Variants in SPATA9 observed in about 807,000 individuals in gnomAD.
SPATA9 encodes the protein spermatogenesis associated 9, also known as spermatogenesis-associated protein 9.
In SPATA9, 27 loss-of-function variants were observed where a neutral mutation model predicts 25.5. The ratio of observed to expected loss-of-function variants is 1.06; its 90% CI spans 0.78 to 1.46. The LOEUF (loss-of-function observed/expected upper bound fraction) is 1.46. Among genes scored for constraint, SPATA9 ranks in the 40% most tolerant of loss-of-function variants. SPATA9 has a pLI of 0.00. For synonymous variants in SPATA9, 102 were observed against 105.7 expected (o/e 0.97, Z 0.21); for missense variants, 282 against 297.5 (o/e 0.95, Z 0.38).
chr5:95,703,507 G>T (rs1006027467), upstream of SPATA9, among the ~76,000 whole-genome samples: 2 of 152,022 alleles, frequency 1.3e-5, no homozygotes, highest in Admixed American at 6.6e-5. Flanking sequence ...GGTGCCACAC[G>T]CCAGTAGTCG....
At chr5:95,726,886 T>G in the SPATA9 span, among the ~76,000 whole-genome samples, 5 of 152,360 alleles carry the variant, frequency 3.3e-5, no homozygotes, top group South Asian at 1.0e-3. Context: ...TCCTTGTATC[T>G]GCCCACTTAC....
At chr5:95,662,826 G>A in intron 4 of SPATA9, among the ~76,000 whole-genome samples, 1 of 151,196 alleles carries the variant, frequency 6.6e-6, no homozygotes, top group East Asian at 1.9e-4. Flanking sequence ...CCAAGGAGAT[G>A]CAAATTAAAA....
intron 3 of SPATA9, among the ~76,000 whole-genome samples, chr5:95,665,821 T>C (rs1751752902): frequency 6.6e-6 from 1 of 152,130 alleles, no homozygotes; most frequent in East Asian, 1.9e-4. Flanking sequence ...ATACAAAAAT[T>C]AGCCAGGCCT....
At chr5:95,731,191 C>T in the SPATA9 span, 2 of 1,004,498 alleles carry the variant, frequency 2.0e-6, no homozygotes, top group Non-Finnish European at 2.4e-6. Flanking sequence ...CCGGAGCTCC[C>T]GGGGCCTCCG....
At chr5:95,701,660 G>T (rs1217165136), upstream of SPATA9, among the ~76,000 whole-genome samples, 2 of 151,388 alleles carry the variant, frequency 1.3e-5, no homozygotes, top group Non-Finnish European at 2.9e-5. Flanking sequence ...CCCCCAACAG[G>T]TCTATAATTT....
downstream of SPATA9, chr5:95,657,177 C>T (rs1750812225): frequency 6.6e-6 from 1 of 152,094 alleles, no homozygotes; most frequent in Non-Finnish European, 1.5e-5. Context: ...AACTAAGTGT[C>T]TCCTATAAAT....
At chr5:95,726,965 C>T in the SPATA9 span, among the ~76,000 whole-genome samples, 1 of 148,764 alleles carries the variant, frequency 6.7e-6, no homozygotes, top group Non-Finnish European at 1.5e-5. Context: ...CGTTTCCCCC[C>T]TTTTTTTTTT....
chr5:95,678,049 C>A (rs959044010), intron 2 of SPATA9, among the ~76,000 whole-genome samples: 1 of 152,112 alleles, frequency 6.6e-6, no homozygotes, highest in African/African-American at 2.4e-5. Context: ...AAGAACTGAA[C>A]CCCAGAAGCC....
intron 3 of SPATA9, among the ~76,000 whole-genome samples, chr5:95,673,063 A>G (rs1196641134): frequency 1.3e-5 from 2 of 152,202 alleles, no homozygotes; most frequent in African/African-American, 4.8e-5. Flanking sequence ...ACATGTACTT[A>G]TATTCCAGGG....
At chr5:95,652,195 A>G, downstream of SPATA9, 2 of 1,480,786 alleles carry the variant, frequency 1.4e-6, no homozygotes, top group Non-Finnish European at 1.8e-6. Flanking sequence ...CTGTGAATGA[A>G]TTTCATTTGA....
At chr5:95,690,301 C>T (rs10035220) in intron 1 of SPATA9, among the ~76,000 whole-genome samples, 31,804 of 152,038 alleles carry the variant, frequency 0.21, 3,918 homozygotes, top group African/African-American at 0.35. Flanking sequence ...CAGGCTGAAA[C>T]GGCTAGAATC....
chr5:95,653,994 A>G, downstream of SPATA9: 10 of 1,320,996 alleles, frequency 7.6e-6, no homozygotes, highest in South Asian at 9.6e-5. Flanking sequence ...TCTTAGGGTT[A>G]TCTCCATTAA....
At position 95,667,321 on chromosome 5, in the gene SPATA9, G is replaced by A. The variant is rs1365298324; in HGVS notation, c.379-3273C>T. 2.6e-5 allele frequency among the ~76,000 whole-genome samples: 4 copies of A among 150,984 alleles called. No individual in the cohort carries two copies. In the East Asian group the frequency reaches 7.8e-4, roughly 29 times the overall value. On this transcript the variant is annotated intron_variant, in intron 3 of 4. Transcript: ENST00000274432. ...CTAGCCTAGTAGCTAAGAGTGGGGG[G>A]GTGGGGGTGCTGGGGGTTGGGGAAA...
chr5:95,691,191 G>A (rs1356572912), intron 1 of SPATA9, among the ~76,000 whole-genome samples: 3 of 149,620 alleles, frequency 2.0e-5, no homozygotes, highest in African/African-American at 4.9e-5. Context: ...ACTCCAGCCT[G>A]GGCGACAGAG....
chr5:95,690,588 C>T (rs892495344), intron 1 of SPATA9, among the ~76,000 whole-genome samples: 1 of 152,140 alleles, frequency 6.6e-6, no homozygotes, highest in South Asian at 2.1e-4. Context: ...ATCAGGCCAT[C>T]ACCATGCTAA....
In SPATA9 at chr5:95,675,560, C is replaced by T. The variant is rs375220643; in HGVS notation, c.230G>A (p.Arg77His). ...GGATCTGGATATGCTGTTTAATCCACGAATTAATGTTGCTCGATTAATCTT... is the reference window on the plus strand; with the variant it reads ...GGATCTGGATATGCTGTTTAATCCATGAATTAATGTTGCTCGATTAATCTT... ...LAKINRATLI[R>H]GLNSISRSSK... is the part of the protein sequence containing the mutation. Residue 77 changes from arginine (R) to histidine (H), a missense_variant, in exon 3 of 5, where the codon CGT becomes CAT. Transcript: ENST00000274432. 1.9e-5 allele frequency: 31 copies of T among 1,613,988 alleles called. No individual in the cohort carries two copies. Among genetic ancestry groups the T allele is most frequent in the Middle Eastern group, 1.6e-4 (1 of 6,084 alleles).
intron 2 of SPATA9, among the ~76,000 whole-genome samples, chr5:95,678,742 C>T (rs955149272): frequency 2.6e-5 from 4 of 152,096 alleles, no homozygotes; most frequent in African/African-American, 7.2e-5. Flanking sequence ...AAAAATTTGC[C>T]GCACTTACAA....
chr5:95,699,541 A>T (rs2112715422), upstream of SPATA9, among the ~76,000 whole-genome samples: 1 of 152,364 alleles, frequency 6.6e-6, no homozygotes, highest in South Asian at 2.1e-4. Flanking sequence ...TCAACAAAAA[A>T]TGCTAACACA....
intron 3 of SPATA9, among the ~76,000 whole-genome samples, chr5:95,665,007 TTA>T (rs890891689): frequency 9.2e-5 from 14 of 152,306 alleles, no homozygotes; most frequent in African/African-American, 3.4e-4. Flanking sequence ...GTTAGGAAAA[TTA>T]TGTTATATCC....
Sources: gnomAD v4.1 joint callset for allele counts (sites outside exome capture counted in the v4.1 genomes callset) on GRCh38, gnomAD v4.1.1 for gene constraint, MANE v1.5 for transcripts, NCBI Gene and HGNC (gene_info 2026-07-23, HGNC 2026-07-21) for gene names.